Variants in RFX4 observed in about 807,000 individuals in gnomAD.
The protein encoded by RFX4 is transcription factor RFX4.
Under a neutral mutation model 95.0 loss-of-function variants are expected in RFX4, and 10 were observed. That is an observed-to-expected ratio of 0.11 (90% CI 0.06 to 0.18). RFX4 has a LOEUF of 0.18. RFX4 is among the 10% of genes least tolerant of loss of function. The pLI is 1.00. For synonymous variants in RFX4, 321 were observed against 340.7 expected, an observed-to-expected ratio of 0.94 and a Z score of 0.64; for missense variants, 640 against 922.0, an observed-to-expected ratio of 0.69 and a Z score of 3.96.
At chr12:106,732,488 C>T in intron 14 of RFX4, among the ~76,000 whole-genome samples, 1 of 152,080 alleles carries the variant, frequency 6.6e-6, no homozygotes, top group Non-Finnish European at 1.5e-5. Flanking sequence ...TCACTTCAGA[C>T]CAGAGTTCAA....
chr12:106,634,215 ACCT>A (rs1354379215), intron 2 of RFX4, among the ~76,000 whole-genome samples: 1 of 152,198 alleles, frequency 6.6e-6, no homozygotes. Flanking sequence ...TTTTTTAAAA[ACCT>A]CAACCATCCC....
intron 1 of RFX4, among the ~76,000 whole-genome samples, chr12:106,597,267 A>G (rs2039634651): frequency 6.6e-6 from 1 of 152,086 alleles, no homozygotes; most frequent in South Asian, 2.1e-4. Context: ...AATAGGAAGG[A>G]AATTGAGGCC....
At chr12:106,726,591 T>A (rs1351389609) in intron 13 of RFX4, among the ~76,000 whole-genome samples, 1 of 152,250 alleles carries the variant, frequency 6.6e-6, no homozygotes, top group Non-Finnish European at 1.5e-5. Context: ...TCTCTTCTCA[T>A]TACTTCGTGT....
rs2041890739 is a variant in RFX4, at chr12:106,696,915, A to G, written c.833+469A>G. 2.0e-5 allele frequency among the ~76,000 whole-genome samples: 3 copies of G among 152,154 alleles called. No individual in the cohort carries two copies. The South Asian group carries it at 6.2e-4, about 31-fold the overall frequency. ...CTGGACAGCTTCCATGCCCCTCCAG[A>G]TGTACTCTCCACCACACTTCATGCT... On this transcript the variant is annotated intron_variant, in intron 8 of 17. Coordinates refer to ENST00000392842, the MANE Select transcript of RFX4 (RefSeq NM_213594.3).
chr12:106,655,037 C>G (rs967142126), intron 4 of RFX4, among the ~76,000 whole-genome samples: 2 of 152,120 alleles, frequency 1.3e-5, no homozygotes, highest in African/African-American at 4.8e-5. Flanking sequence ...CATCTGCTAA[C>G]AAAAATAGGC....
chr12:106,724,905 G>A (rs544413128), intron 13 of RFX4, among the ~76,000 whole-genome samples: 15 of 151,768 alleles, frequency 9.9e-5, no homozygotes, highest in South Asian at 2.1e-4. Flanking sequence ...TTAGCTACTC[G>A]GGAGGCTGAG....
At chr12:106,596,787 C>T (rs1016211758) in intron 1 of RFX4, among the ~76,000 whole-genome samples, 3 of 152,216 alleles carry the variant, frequency 2.0e-5, no homozygotes, top group Non-Finnish European at 4.4e-5. Context: ...AGAGTTTTGC[C>T]TGTGTAATTT....
intron 2 of RFX4, among the ~76,000 whole-genome samples, chr12:106,634,390 G>A (rs182160451): frequency 9.5e-4 from 145 of 152,182 alleles, no homozygotes; most frequent in Middle Eastern, 3.4e-3. Context: ...CCTCCTGGCC[G>A]GCCAGGCACA....
chr12:106,655,543 G>A (rs2040941390), intron 4 of RFX4, among the ~76,000 whole-genome samples: 1 of 152,180 alleles, frequency 6.6e-6, no homozygotes, highest in African/African-American at 2.4e-5. Context: ...GAGCACACAA[G>A]GTGGATGTGT....
At chr12:106,696,476 C>T (rs141115104) in intron 8 of RFX4, 30 bp downstream of exon 8, 150 of 1,612,430 alleles carry the variant, frequency 9.3e-5, no homozygotes, top group Admixed American at 2.0e-4. Context: ...TCTTCCTTCA[C>T]GGCTGGTCCA....
At chr12:106,742,961 C>T (rs1442364455) in intron 15 of RFX4, among the ~76,000 whole-genome samples, 1 of 152,140 alleles carries the variant, frequency 6.6e-6, no homozygotes, top group African/African-American at 2.4e-5. Context: ...TTCCGAGCAC[C>T]CTTCCTGTCC....
chr12:106,740,500 G>T (rs1401816076), intron 15 of RFX4, among the ~76,000 whole-genome samples: 1 of 152,130 alleles, frequency 6.6e-6, no homozygotes, highest in Non-Finnish European at 1.5e-5. Context: ...TTGTTTAATT[G>T]ACTCTTTTTT....
At position 106,720,933 on chromosome 12, in the gene RFX4, C is replaced by A. The variant is rs2042385542; in HGVS notation, c.1351+57C>A. On this transcript the variant is annotated intron_variant, in intron 13 of 17. Transcript: ENST00000392842. This position sits in a 1 kb window ranked among gnomAD's most constrained non-coding sequence, Gnocchi z 4.2. The stretch of plus-strand genomic sequence containing the variant: ...GCACTTTTTCCTCTGGGCACGGAGC[C>A]CAGAGGAATCTACCACAGTCTAACT... 1.7e-5 allele frequency: 24 copies of A among 1,443,582 alleles called. No individual in the cohort carries two copies. In the South Asian group the frequency reaches 2.1e-4, roughly 12 times the overall value. 89.4% of individuals were successfully genotyped at this position (1,443,582 alleles called of 1,614,324 possible). A position where few individuals can be genotyped will look rare whatever the true frequency, so the allele number is the denominator to read the frequency against.
At chr12:106,631,771 G>T (rs1461014203) in intron 2 of RFX4, among the ~76,000 whole-genome samples, 5 of 152,182 alleles carry the variant, frequency 3.3e-5, no homozygotes, top group African/African-American at 9.7e-5. Context: ...CAGCCTGAAT[G>T]GATTAAAATG....
intron 4 of RFX4, among the ~76,000 whole-genome samples, chr12:106,661,883 T>C (rs2041081585): frequency 6.6e-6 from 1 of 152,226 alleles, no homozygotes; most frequent in African/African-American, 2.4e-5. Flanking sequence ...ATGTCTTTTG[T>C]GGCTTGACAG....
chr12:106,597,268 A>G (rs1479239910), intron 1 of RFX4, among the ~76,000 whole-genome samples: 2 of 152,114 alleles, frequency 1.3e-5, no homozygotes, highest in Non-Finnish European at 1.5e-5. Context: ...ATAGGAAGGA[A>G]ATTGAGGCCC....
intron 17 of RFX4, among the ~76,000 whole-genome samples, chr12:106,755,327 C>A (rs1026134541): frequency 6.6e-6 from 1 of 152,206 alleles, no homozygotes; most frequent in African/African-American, 2.4e-5. Context: ...AACTCCTGGG[C>A]TCCAGTGATC....
chr12:106,688,547 G>A (rs887203435), intron 6 of RFX4, among the ~76,000 whole-genome samples: 4 of 152,050 alleles, frequency 2.6e-5, no homozygotes, highest in Non-Finnish European at 5.9e-5. Context: ...GTCAAACTAA[G>A]TTTATATAAA....
At chr12:106,583,625 C>T (rs769909048) in intron 1 of RFX4, 6 of 357,050 alleles carry the variant, frequency 1.7e-5, no homozygotes, top group African/African-American at 1.3e-4. Context: ...CTTTCGCTTG[C>T]CCTGGACACA....
Sources: gnomAD v4.1 joint callset for allele counts (sites outside exome capture counted in the v4.1 genomes callset) on GRCh38, gnomAD v4.1.1 for gene constraint, Gnocchi (gnomAD v3.1) non-coding constraint, MANE v1.5 for transcripts, NCBI Gene and HGNC (gene_info 2026-07-23, HGNC 2026-07-21) for gene names.